The following COPS5 variants were observed in gnomAD, a reference collection of about 807,000 sequenced individuals.
COPS5 encodes COP9 signalosome complex subunit 5.
Under a neutral mutation model 44.4 loss-of-function variants are expected in COPS5, and 8 were observed. That is an observed-to-expected ratio of 0.18 (90% CI 0.11 to 0.32). The LOEUF (loss-of-function observed/expected upper bound fraction) is 0.32. COPS5 is among the 10% of genes least tolerant of loss of function. The pLI, the probability that COPS5 is intolerant of heterozygous loss-of-function variation, is 1.00. For synonymous variants in COPS5, 122 were observed against 142.8 expected, an observed-to-expected ratio of 0.85 and a Z score of 1.04; for missense variants, 159 against 406.4, an observed-to-expected ratio of 0.39 and a Z score of 5.23.
chr8:67,060,536 T>A, intron 1 of COPS5: 1 of 1,287,864 alleles, frequency 7.8e-7, no homozygotes, highest in Non-Finnish European at 1.0e-6. Context: ...AATCTTGGCT[T>A]CTCCCTTTAC....
At position 67,059,376 on chromosome 8, in the gene COPS5, C is replaced by G. The variant is rs778681438; in HGVS notation, c.213G>C (p.Ser71=). 32 of 1,614,060 alleles carry G rather than the reference C, an allele frequency of 2.0e-5. No homozygotes were observed. Among genetic ancestry groups the G allele is most frequent in the African/African-American group, 2.7e-5 (2 of 74,912 alleles). Reference sequence around the variant, plus strand: ...GACCCATCACTTCCAAGTTGCCTCCCGATCTGGCATGCATCACCATCTTCA... The same window carrying G: ...GACCCATCACTTCCAAGTTGCCTCCGGATCTGGCATGCATCACCATCTTCA... ...ALLKMVMHAR[S]GGNLEVMGLM... Residue 71 remains serine, a synonymous_variant, in exon 2 of 8, where the codon TCG becomes TCC. Coordinates refer to ENST00000357849, the MANE Select transcript of COPS5 (RefSeq NM_006837.3).
intron 2 of COPS5, 151 bp from the exon 3 acceptor site, chr8:67,058,362 T>C (rs1804541161): frequency 4.5e-6 from 3 of 662,128 alleles, no homozygotes; most frequent in Non-Finnish European, 7.8e-6. Flanking sequence ...GGGCAATTGC[T>C]TACCCTTACA....
Position 67,056,513 on chromosome 8 carries a change from A to T in COPS5, c.659+6T>A. The T allele has an allele frequency of 8.9e-7, 1 of 1,123,298 alleles. No homozygotes were observed. Among genetic ancestry groups the T allele is most frequent in the Non-Finnish European group, 1.3e-6 (1 of 767,506 alleles). 69.6% of individuals were successfully genotyped at this position (1,123,298 alleles called of 1,614,324 possible). A position where few individuals can be genotyped will look rare whatever the true frequency, so the allele number is the denominator to read the frequency against. On this transcript the variant is annotated splice_donor_region_variant and intron_variant, in intron 5 of 7. Coordinates refer to ENST00000357849, the MANE Select transcript of COPS5 (RefSeq NM_006837.3). Reference sequence around the variant, plus strand: ...CCTGGCCCAGATATGTTTTTAAATTACTTACTGTTTGCAGTGTACACCAAA... The same window carrying T: ...CCTGGCCCAGATATGTTTTTAAATTTCTTACTGTTTGCAGTGTACACCAAA...
intron 6 of COPS5, chr8:67,047,913 T>C (rs1026565585): frequency 1.4e-6 from 1 of 702,380 alleles, no homozygotes; most frequent in African/African-American, 1.7e-5. Flanking sequence ...ATAGGAAGCA[T>C]GTAACACATA....
chr8:67,055,655 CAGG>C (rs1276853398), intron 5 of COPS5, among the ~76,000 whole-genome samples: 1 of 152,108 alleles, frequency 6.6e-6, no homozygotes, highest in Non-Finnish European at 1.5e-5. Context: ...ATCACGAGGT[CAGG>C]AGTTTGAGAC....
intron 7 of COPS5, chr8:67,043,889 C>T (rs1401313735): frequency 1.3e-5 from 2 of 152,148 alleles, no homozygotes; most frequent in African/African-American, 4.8e-5. Flanking sequence ...ATTACTACTT[C>T]TGTTCTATTT....
intron 3 of COPS5, 125 bp downstream of exon 3, chr8:67,057,958 C>T: frequency 3.1e-6 from 3 of 974,340 alleles, no homozygotes; most frequent in South Asian, 3.3e-5. Flanking sequence ...ATGGAATTCA[C>T]ATTGAAACCT....
chr8:67,043,322 A>AG lies in COPS5; in HGVS notation c.921-6_921-5insC. 1 of 1,539,116 alleles carries AG rather than the reference A, an allele frequency of 6.5e-7. No homozygotes were observed. Among genetic ancestry groups the AG allele is most frequent in the Non-Finnish European group, 8.9e-7 (1 of 1,122,102 alleles). ...GCTTCTATGGTAGTTTTACAGCTGGAAAAAAAAACACACATCACATGATGT... is the reference window on the plus strand; with the variant it reads ...GCTTCTATGGTAGTTTTACAGCTGGAGAAAAAAAACACACATCACATGATGT... On this transcript the variant is annotated splice_region_variant and splice_polypyrimidine_tract_variant and intron_variant, in intron 7 of 7. Transcript: ENST00000357849.
At chr8:67,059,129 G>C (rs111927118) in intron 2 of COPS5, 82 bp downstream of exon 2, 17,018 of 834,376 alleles carry the variant, frequency 0.02, 561 homozygotes, top group African/African-American at 0.081. Context: ...ATGTAAAGGG[G>C]ATAATTTTAA....
At chr8:67,055,047 C>T (rs749405022) in intron 5 of COPS5, among the ~76,000 whole-genome samples, 6 of 152,188 alleles carry the variant, frequency 3.9e-5, no homozygotes, top group Non-Finnish European at 7.3e-5. Context: ...AACAGATACT[C>T]AATGCTTAAA....
chr8:67,053,959 T>A (rs554989693), intron 5 of COPS5, among the ~76,000 whole-genome samples: 6 of 143,406 alleles, frequency 4.2e-5, no homozygotes, highest in Non-Finnish European at 7.5e-5. Context: ...TGAGCCGAGA[T>A]CACACCACTG....
intron 2 of COPS5, among the ~76,000 whole-genome samples, chr8:67,058,967 G>A (rs182478374): frequency 6.6e-4 from 99 of 150,886 alleles, no homozygotes; most frequent in Admixed American, 1.3e-3. Context: ...TCACGCCACT[G>A]CACTCCAGCC....
In COPS5 at chr8:67,061,871, C is replaced by A. The variant is rs1804647950; in HGVS notation, c.126G>T (p.Ala42=). Residue 42 remains alanine, a synonymous_variant, in exon 1 of 8, where the codon GCG becomes GCT. Coordinates refer to ENST00000357849, the MANE Select transcript of COPS5 (RefSeq NM_006837.3). The part of the protein sequence containing the change: ...DKKQQQEILA[A]KPWTKDHHYF... ...CTCCTCACTCCTTAGTCCAGGGCTT[C>A]GCCGCCAGGATTTCTTGCTGCTGTT... The A allele has an allele frequency of 3.7e-6, 6 of 1,614,214 alleles. No homozygotes were observed. Among genetic ancestry groups the A allele is most frequent in the Non-Finnish European group, 5.1e-6 (6 of 1,180,040 alleles).
intron 7 of COPS5, chr8:67,044,043 G>A (rs570156530): frequency 2.0e-5 from 3 of 152,084 alleles, no homozygotes; most frequent in East Asian, 3.9e-4. Flanking sequence ...TGATGCCAAC[G>A]AAAAATACTT....
At position 67,059,349 on chromosome 8, in the gene COPS5, C is replaced by T. The variant is rs1804553783; in HGVS notation, c.240G>A (p.Leu80=). The T allele has an allele frequency of 1.2e-6, 2 of 1,614,210 alleles. No individual in the cohort carries two copies. The highest frequency in any genetic ancestry group is 2.2e-5 in the East Asian group (1 of 44,886). The change falls in exon 2 of 8, where the codon CTG becomes CTA. Residue 80 remains leucine (L), a synonymous_variant. Coordinates refer to ENST00000357849, the MANE Select transcript of COPS5 (RefSeq NM_006837.3). ...RSGGNLEVMG[L]MLGKVDGETM... The stretch of plus-strand genomic sequence containing the variant: ...TTTCACCATCCACCTTTCCTAGCAT[C>T]AGACCCATCACTTCCAAGTTGCCTC...
intron 2 of COPS5, 142 bp from the exon 3 acceptor site, chr8:67,058,353 G>A: frequency 1.5e-6 from 1 of 687,976 alleles, no homozygotes; most frequent in East Asian, 2.7e-5. Flanking sequence ...GAAATCTATG[G>A]GCAATTGCTT....
chr8:67,054,116 C>CA (rs986237033), intron 5 of COPS5, among the ~76,000 whole-genome samples: 6 of 151,290 alleles, frequency 4.0e-5, no homozygotes, highest in African/African-American at 1.2e-4. Context: ...GCTCATATTT[C>CA]AGAGTGGCAA....
intron 5 of COPS5, among the ~76,000 whole-genome samples, chr8:67,051,565 G>A (rs1179689915): frequency 6.6e-6 from 1 of 152,000 alleles, no homozygotes; most frequent in Non-Finnish European, 1.5e-5. Context: ...TTTCTGTAGA[G>A]CCCAGAAATT....
intron 1 of COPS5, chr8:67,059,891 A>G (rs1314734162): frequency 5.6e-6 from 1 of 179,876 alleles, no homozygotes; most frequent in Non-Finnish European, 1.2e-5. Context: ...TAGCTGTGGT[A>G]TTGGGACAAC....
Sources: allele counts gnomAD v4.1 joint callset (sites outside exome capture counted in the v4.1 genomes callset), GRCh38; gene constraint gnomAD v4.1.1; transcripts MANE v1.5; gene names NCBI Gene and HGNC (gene_info 2026-07-23, HGNC 2026-07-21).